NKAIN3: variants seen among roughly 807,000 people sequenced by gnomAD.
The protein encoded by NKAIN3 is sodium/potassium-transporting ATPase subunit beta-1-interacting protein 3.
Under a neutral mutation model 30.2 loss-of-function variants are expected in NKAIN3, and 25 were observed. That is an observed-to-expected ratio of 0.83 (90% CI 0.60 to 1.16). The LOEUF is 1.16. Among genes scored for constraint, NKAIN3 ranks in the 50% most tolerant of loss-of-function variants. The probability of loss-of-function intolerance (pLI) is 0.00; values close to 1 mark genes in which losing one functional copy is unlikely to be tolerated. For synonymous variants in NKAIN3, 91 were observed against 89.6 expected, an observed-to-expected ratio of 1.02 and a Z score of -0.09; for missense variants, 225 against 254.1, an observed-to-expected ratio of 0.89 and a Z score of 0.78.
intron 1 of NKAIN3, among the ~76,000 whole-genome samples, chr8:62,503,635 C>G (rs907250681): frequency 1.2e-4 from 18 of 151,934 alleles, no homozygotes; most frequent in African/African-American, 3.9e-4. Flanking sequence ...GACCTTCCCC[C>G]AGGAATGCAA....
chr8:62,841,601 T>G (rs528882999), intron 4 of NKAIN3, among the ~76,000 whole-genome samples: 1 of 152,290 alleles, frequency 6.6e-6, no homozygotes, highest in South Asian at 2.1e-4. Context: ...ATGGCTTATT[T>G]CACTTAGCAT....
intron 1 of NKAIN3, among the ~76,000 whole-genome samples, chr8:62,543,244 A>T (rs1366678907): frequency 6.6e-6 from 1 of 152,096 alleles, no homozygotes; most frequent in African/African-American, 2.4e-5. Flanking sequence ...TATTTTTTGG[A>T]TCAGTTTTTC....
At chr8:62,728,822 T>A (rs7843717) in intron 3 of NKAIN3, among the ~76,000 whole-genome samples, 1 of 151,196 alleles carries the variant, frequency 6.6e-6, no homozygotes, top group Non-Finnish European at 1.5e-5. Context: ...AACCCCGTTT[T>A]TACTAAAAAT....
At chr8:62,751,736 T>A (rs1226097550) in intron 4 of NKAIN3, among the ~76,000 whole-genome samples, 2 of 151,912 alleles carry the variant, frequency 1.3e-5, no homozygotes, top group Admixed American at 1.3e-4. Flanking sequence ...CTATAGCGAG[T>A]ATAATATATA....
At chr8:62,890,046 G>T (rs1821257864) in intron 4 of NKAIN3, among the ~76,000 whole-genome samples, 1 of 152,054 alleles carries the variant, frequency 6.6e-6, no homozygotes, top group African/African-American at 2.4e-5. Context: ...GTGTAGAAAA[G>T]GCTGTAAAAA....
intron 1 of NKAIN3, among the ~76,000 whole-genome samples, chr8:62,301,737 G>T (rs1032597508): frequency 1.3e-4 from 20 of 152,056 alleles, no homozygotes; most frequent in African/African-American, 4.3e-4. Context: ...AAATAGAACC[G>T]GTTTCCCAGA....
chr8:62,568,314 C>T (rs1350841523), intron 1 of NKAIN3, among the ~76,000 whole-genome samples: 1 of 152,030 alleles, frequency 6.6e-6, no homozygotes, highest in Non-Finnish European at 1.5e-5. Flanking sequence ...GAGTATCTTC[C>T]TATATCTAAT....
intron 4 of NKAIN3, among the ~76,000 whole-genome samples, chr8:62,846,891 G>T (rs146441335): frequency 1.3e-5 from 2 of 152,204 alleles, no homozygotes; most frequent in Non-Finnish European, 1.5e-5. Flanking sequence ...TGTCTTACAC[G>T]GTGGCAGGCA....
In NKAIN3 at chr8:62,908,314, G is replaced by C. The variant is rs192232010; in HGVS notation, c.472-10139G>C. Among the ~76,000 whole-genome samples, 361 of 152,230 alleles carry C rather than the reference G, an allele frequency of 2.4e-3. 3 individuals carry two copies. The highest frequency in any genetic ancestry group is 7.1e-3 in the African/African-American group (295 of 41,512). Reference sequence around the variant, plus strand: ...TGATTTTACAGGCTCATAGGTGGAAGGGACTTGCTTTATCTCAGATGAGAC... The same window carrying C: ...TGATTTTACAGGCTCATAGGTGGAACGGACTTGCTTTATCTCAGATGAGAC... On this transcript the variant is annotated intron_variant, in intron 4 of 6. Transcript: ENST00000623646.
intron 1 of NKAIN3, among the ~76,000 whole-genome samples, chr8:62,341,990 A>T (rs939671937): frequency 3.9e-5 from 6 of 152,040 alleles, no homozygotes; most frequent in Admixed American, 2.0e-4. Flanking sequence ...ACTATAAATT[A>T]TTCAGGAATA....
chr8:62,495,668 A>G (rs995732428), intron 1 of NKAIN3, among the ~76,000 whole-genome samples: 7 of 152,010 alleles, frequency 4.6e-5, no homozygotes, highest in African/African-American at 1.7e-4. Context: ...TAGATAGTTG[A>G]TTGAAAAGCA....
intron 4 of NKAIN3, among the ~76,000 whole-genome samples, chr8:62,766,278 G>C (rs1167324037): frequency 6.6e-6 from 1 of 152,114 alleles, no homozygotes; most frequent in East Asian, 1.9e-4. Context: ...GATGTTCCTA[G>C]CAATGTTATT....
chr8:62,280,089 C>T (rs879930561), intron 1 of NKAIN3, among the ~76,000 whole-genome samples: 1 of 152,144 alleles, frequency 6.6e-6, no homozygotes, highest in Non-Finnish European at 1.5e-5. Context: ...AGGTCCTTCA[C>T]GTCCCTTGTA....
In NKAIN3 at chr8:62,919,226, A is replaced by ATTTTT. The variant is rs1415475110; in HGVS notation, c.532+713_532+714insTTTTT. ...CTCACTTTTTTTTATTTACTTTCAA[A>ATTTTT]ATTTTTTTTTTTTTTTTTTTTTTTT... On this transcript the variant is annotated intron_variant, in intron 5 of 6. Transcript: ENST00000623646. Among the ~76,000 whole-genome samples, 226 of 88,324 alleles carry ATTTTT rather than the reference A, an allele frequency of 2.6e-3. 2 individuals are homozygous for ATTTTT. Among genetic ancestry groups the ATTTTT allele is most frequent in the East Asian group, 5.7e-3 (15 of 2,650 alleles). The allele number at this position is 88,324 out of a possible 152,430, so 57.9% of individuals were successfully genotyped here.
At chr8:62,275,729 A>G (rs1008241205) in intron 1 of NKAIN3, among the ~76,000 whole-genome samples, 1 of 152,198 alleles carries the variant, frequency 6.6e-6, no homozygotes, top group Non-Finnish European at 1.5e-5. Context: ...CAATTTTTAA[A>G]TGCTAATATT....
intron 1 of NKAIN3, among the ~76,000 whole-genome samples, chr8:62,362,722 G>C (rs1403475698): frequency 6.6e-6 from 1 of 151,450 alleles, no homozygotes; most frequent in Admixed American, 6.6e-5. Flanking sequence ...GAGCAATGAA[G>C]GATTCAAAAA....
intron 3 of NKAIN3, among the ~76,000 whole-genome samples, chr8:62,689,882 C>G (rs893201878): frequency 6.6e-6 from 1 of 151,876 alleles, no homozygotes; most frequent in Non-Finnish European, 1.5e-5. Flanking sequence ...TACATCATAT[C>G]TCAGTTTCCT....
intron 1 of NKAIN3, among the ~76,000 whole-genome samples, chr8:62,537,486 G>A (rs966143561): frequency 2.0e-5 from 3 of 152,120 alleles, no homozygotes; most frequent in Non-Finnish European, 2.9e-5. Context: ...TGCCCAGAAA[G>A]TTTTAAAGGT....
intron 3 of NKAIN3, among the ~76,000 whole-genome samples, chr8:62,625,773 C>T (rs1228249198): frequency 2.6e-5 from 4 of 152,028 alleles, no homozygotes; most frequent in Admixed American, 6.6e-5. Flanking sequence ...TTGCCATTTT[C>T]TCTTCCTTTT....
Sources: allele counts gnomAD v4.1 joint callset (sites outside exome capture counted in the v4.1 genomes callset), GRCh38; gene constraint gnomAD v4.1.1; transcripts MANE v1.5; gene names NCBI Gene and HGNC (gene_info 2026-07-23, HGNC 2026-07-21).